The following SRCIN1 variants were observed in gnomAD, a reference collection of about 807,000 sequenced individuals.
SRCIN1 encodes P130Cas-associated protein.
In SRCIN1, 50 loss-of-function variants were observed where a neutral mutation model predicts 116.2. That is an observed-to-expected ratio of 0.43 (90% CI 0.34 to 0.54). SRCIN1 has a LOEUF of 0.54. Ranked by LOEUF, SRCIN1 falls within the 20% of genes least tolerant of loss-of-function variation. SRCIN1 has a pLI of 0.02. For synonymous variants in SRCIN1, 736 were observed against 750.0 expected (o/e 0.98, Z 0.30); for missense variants, 1,446 against 1,672.0 (o/e 0.86, Z 2.36).
At position 38,531,400 on chromosome 17, in the gene SRCIN1, T is replaced by TC. The variant is rs2040920642; in HGVS notation, c.*1896dup. The TC allele has an allele frequency of 6.8e-6, 1 of 147,960 alleles. No homozygotes were observed. Among genetic ancestry groups the TC allele is most frequent in the African/African-American group, 2.5e-5 (1 of 40,784 alleles). The allele number at this position is 147,960 out of a possible 1,614,324, so 9.2% of individuals were successfully genotyped here. On this transcript the variant is annotated 3_prime_UTR_variant, in exon 19 of 19. Transcript: ENST00000617146. ...GAGTGCCGTGGTTTTCTTTTTTTTT[T>TC]CTTTTTTAAATATTTATATATATTT...
At chr17:38,596,226 C>A (rs1908723237) in intron 1 of SRCIN1, among the ~76,000 whole-genome samples, 1 of 152,162 alleles carries the variant, frequency 6.6e-6, no homozygotes, top group Non-Finnish European at 1.5e-5. Context: ...GGGGCAGGGG[C>A]TCCCAAAGTG....
At chr17:38,591,808 T>A (rs1056458973) in intron 1 of SRCIN1, among the ~76,000 whole-genome samples, 2 of 152,142 alleles carry the variant, frequency 1.3e-5, no homozygotes, top group African/African-American at 4.8e-5. Flanking sequence ...TAATGTCACT[T>A]AAGGGGTCTG....
intron 2 of SRCIN1, chr17:38,575,066 A>G: frequency 2.5e-6 from 1 of 398,928 alleles, no homozygotes; most frequent in Non-Finnish European, 4.4e-6. Context: ...TTCCTGGGGC[A>G]AGCCTTGGCA....
intron 15 of SRCIN1, among the ~76,000 whole-genome samples, chr17:38,549,434 GTGT>G (rs1440743821): frequency 4.6e-5 from 7 of 152,164 alleles, no homozygotes; most frequent in Admixed American, 3.9e-4. Flanking sequence ...GCTACTCCAA[GTGT>G]TGTCTGTGGA....
intron 18 of SRCIN1, chr17:38,541,851 G>A (rs1904766520): frequency 6.6e-6 from 1 of 152,622 alleles, no homozygotes; most frequent in African/African-American, 2.4e-5. Flanking sequence ...TCGGGAGGCT[G>A]AGGCACGAGA....
rs566346220 is a variant in SRCIN1, at chr17:38,591,857, G to A, written c.23-13066C>T. 8.5e-5 allele frequency among the ~76,000 whole-genome samples: 13 copies of A among 152,298 alleles called. No individual in the cohort carries two copies. The East Asian group carries it at 2.3e-3, about 27-fold the overall frequency. On this transcript the variant is annotated intron_variant, in intron 1 of 18. Transcript: ENST00000617146. ...CACCTCCCAGCAACTATGCCCCTCA[G>A]AGCCCCAGCTCCAGACACCAAAGGG... is the stretch of plus-strand genomic sequence containing the variant.
chr17:38,571,613 C>A (rs1000692834), intron 2 of SRCIN1, among the ~76,000 whole-genome samples: 1 of 152,102 alleles, frequency 6.6e-6, no homozygotes, highest in Non-Finnish European at 1.5e-5. Context: ...CTCACCTTCC[C>A]AAAAGACAGT....
At chr17:38,560,289 T>C in intron 8 of SRCIN1, 44 bp downstream of exon 8, 1 of 1,562,120 alleles carries the variant, frequency 6.4e-7, no homozygotes, top group Non-Finnish European at 8.7e-7. Context: ...TTCCTCCTGC[T>C]CCACCCCTAG....
intron 16 of SRCIN1, 66 bp downstream of exon 16, chr17:38,548,990 C>G: frequency 1.9e-6 from 3 of 1,567,172 alleles, no homozygotes; most frequent in Non-Finnish European, 2.6e-6. Flanking sequence ...AGAGGGCCTC[C>G]AGAAGTCATC....
chr17:38,578,227 C>G (rs1907535214), intron 2 of SRCIN1, among the ~76,000 whole-genome samples: 1 of 152,258 alleles, frequency 6.6e-6, no homozygotes, highest in Non-Finnish European at 1.5e-5. Flanking sequence ...TCTCTCTGCC[C>G]CGTCACACGC....
Position 38,552,330 on chromosome 17 carries a change from A to G in SRCIN1, c.2480+117T>C. 6.9e-7 allele frequency: 1 copy of G among 1,447,556 alleles called. No individual in the cohort carries two copies. Among genetic ancestry groups the G allele is most frequent in the Non-Finnish European group, 9.2e-7 (1 of 1,089,350 alleles). The allele number at this position is 1,447,556 out of a possible 1,614,324, so 89.7% of individuals were successfully genotyped here. On this transcript the variant is annotated intron_variant, in intron 13 of 18. Transcript: ENST00000617146. The surrounding 1 kb of genome is among the most constrained non-coding windows in gnomAD (Gnocchi z 5.3). ...GGTCACAGGGCAGAGCTGAGGTGCC[A>G]GTCCAGTCGGCACGCCAGTGACCTT... is the stretch of plus-strand genomic sequence containing the variant.
chr17:38,558,496 T>G lies in SRCIN1; in HGVS notation c.2026-94A>C. 1 of 1,378,758 alleles carries G rather than the reference T, an allele frequency of 7.3e-7. No individual in the cohort carries two copies. Among genetic ancestry groups the G allele is most frequent in the Non-Finnish European group, 9.6e-7 (1 of 1,041,376 alleles). The allele number at this position is 1,378,758 out of a possible 1,614,324, so 85.4% of individuals were successfully genotyped here. ...AGAAGGCGGGTAGAGGACTGCCCAATCCAGGGCGGGGCTCTGCAGAAGAAG... is the reference window on the plus strand; with the variant it reads ...AGAAGGCGGGTAGAGGACTGCCCAAGCCAGGGCGGGGCTCTGCAGAAGAAG... On this transcript the variant is annotated intron_variant, in intron 10 of 18. Transcript: ENST00000617146. This position sits in a 1 kb window ranked among gnomAD's most constrained non-coding sequence, Gnocchi z 4.6.
chr17:38,605,637 C>T (rs1909316423), intron 1 of SRCIN1, 47 bp downstream of exon 1: 2 of 1,375,242 alleles, frequency 1.5e-6, no homozygotes, highest in Non-Finnish European at 1.9e-6. Flanking sequence ...AAATACCTTC[C>T]ACTTAAGCAT....
chr17:38,600,322 G>A (rs1908952086), intron 1 of SRCIN1, among the ~76,000 whole-genome samples: 1 of 152,224 alleles, frequency 6.6e-6, no homozygotes, highest in Non-Finnish European at 1.5e-5. Flanking sequence ...GAGGCTCTGG[G>A]GGAGGTCCCC....
At chr17:38,584,244 C>A (rs368150706) in intron 1 of SRCIN1, among the ~76,000 whole-genome samples, 9 of 152,302 alleles carry the variant, frequency 5.9e-5, no homozygotes, top group Non-Finnish European at 1.3e-4. Context: ...CCTGAAGGTT[C>A]CCCCCAACCC....
Position 38,585,260 on chromosome 17 carries a change from C to T in SRCIN1, c.23-6469G>A, listed in dbSNP as rs1017779498. On this transcript the variant is annotated intron_variant, in intron 1 of 18. Coordinates refer to ENST00000617146, the MANE Select transcript of SRCIN1 (RefSeq NM_025248.3). This position sits in a 1 kb window ranked among gnomAD's most constrained non-coding sequence, Gnocchi z 4.2. ...TGGAGGACCTGCCTGCCTTAGGCCA[C>T]ACCCACACACACACACAAACACACA... Among the ~76,000 whole-genome samples, 4 of 152,196 alleles carry T rather than the reference C, an allele frequency of 2.6e-5. No individual in the cohort carries two copies. The highest frequency in any genetic ancestry group is 5.9e-5 in the Non-Finnish European group (4 of 68,028).
intron 2 of SRCIN1, among the ~76,000 whole-genome samples, chr17:38,569,947 G>A (rs115980350): frequency 0.014 from 2,113 of 152,206 alleles, 56 homozygotes; most frequent in African/African-American, 0.047. Flanking sequence ...GGACAATCAC[G>A]TCTGCAGACC....
intron 18 of SRCIN1, chr17:38,543,138 TGAAA>T (rs1325897496): frequency 5.5e-5 from 25 of 456,578 alleles, no homozygotes; most frequent in Non-Finnish European, 7.5e-5. Context: ...TCATTAGACC[TGAAA>T]GAGATTGCGG....
chr17:38,566,860 G>C lies in SRCIN1; in HGVS notation c.345+1351C>G, dbSNP rs879607977. ...CTCGTGTTTTGTTTTGTTTTGTTTTGTTTCGTTTCCTTCCTTCCTTCCTTC... is the reference window on the plus strand; with the variant it reads ...CTCGTGTTTTGTTTTGTTTTGTTTTCTTTCGTTTCCTTCCTTCCTTCCTTC... On this transcript the variant is annotated intron_variant, in intron 3 of 18. Transcript: ENST00000617146. 2.7e-3 allele frequency among the ~76,000 whole-genome samples: 164 copies of C among 60,002 alleles called. 1 individual carries two copies. Among genetic ancestry groups the C allele is most frequent in the South Asian group, 6.2e-3 (10 of 1,616 alleles). The allele number at this position is 60,002 out of a possible 152,430, so 39.4% of individuals were successfully genotyped here. A position where few individuals can be genotyped will look rare whatever the true frequency, so the allele number is the denominator to read the frequency against.
Sources: allele counts gnomAD v4.1 joint callset (sites outside exome capture counted in the v4.1 genomes callset), GRCh38; gene constraint gnomAD v4.1.1; non-coding constraint Gnocchi (gnomAD v3.1); transcripts MANE v1.5; gene names NCBI Gene and HGNC (gene_info 2026-07-23, HGNC 2026-07-21).